ADAMTS1: variants seen among roughly 807,000 people sequenced by gnomAD.
ADAMTS1 encodes ADAM metallopeptidase with thrombospondin type 1 motif 1, also known as A disintegrin and metalloproteinase with thrombospondin motifs 1.
Under a neutral mutation model 87.9 loss-of-function variants are expected in ADAMTS1, and 19 were observed. The ratio of observed to expected loss-of-function variants is 0.22; its 90% CI spans 0.15 to 0.32. ADAMTS1 has a LOEUF of 0.32. ADAMTS1 is among the 10% of genes least tolerant of loss of function. The pLI is 1.00. For synonymous variants in ADAMTS1, 542 were observed against 501.8 expected, an observed-to-expected ratio of 1.08 and a Z score of -1.07; for missense variants, 1,240 against 1,259.1, an observed-to-expected ratio of 0.98 and a Z score of 0.23.
Position 26,839,638 on chromosome 21 carries a change from C to A in ADAMTS1, c.1977G>T (p.Lys659Asn). The A allele has an allele frequency of 6.2e-7, 1 of 1,612,804 alleles. No homozygotes were observed. Among genetic ancestry groups the A allele is most frequent in the East Asian group, 2.2e-5 (1 of 44,834 alleles). The change falls in exon 7 of 9, where the codon AAG becomes AAT. Residue 659 changes from lysine to asparagine, a missense_variant. Transcript: ENST00000284984. ...CAATGCCTTTGGCTTGGCAGATGAG[C>A]TTGCACCTGTCCTTTGGTGAGACGC... ...YAGVSPKDRC[K>N]LICQAKGIGY...
In ADAMTS1 at chr21:26,841,898, A is replaced by G; in HGVS notation, c.1170T>C (p.Asp390=). 1 of 1,614,112 alleles carries G rather than the reference A, an allele frequency of 6.2e-7. No homozygotes were observed. Among genetic ancestry groups the G allele is most frequent in the South Asian group, 1.1e-5 (1 of 91,036 alleles). ...DPSRSCSVIE[D]DGLQAAFTTA... ...TGGTGAAGGCAGCTTGTAAACCATC[A>G]TCTTCTATGACGGAGCAGCTTCTGC... Residue 390 remains aspartate, a synonymous_variant, in exon 3 of 9, where the codon GAT becomes GAC. Transcript: ENST00000284984.
intron 3 of ADAMTS1, chr21:26,841,398 G>T (rs1460791636): frequency 2.5e-6 from 1 of 404,914 alleles, no homozygotes; most frequent in Non-Finnish European, 4.4e-6. Flanking sequence ...AGAATCGCTT[G>T]AACCCAGGAG....
rs886148714 is a variant in ADAMTS1 at position 26,844,309 on chromosome 21, C to T, written c.646G>A (p.Glu216Lys). 6.2e-7 allele frequency: 1 copy of T among 1,609,366 alleles called. No individual in the cohort carries two copies. The highest frequency in any genetic ancestry group is 8.5e-7 in the Non-Finnish European group (1 of 1,178,832). The change falls in exon 1 of 9, where the codon GAG becomes AAG. Residue 216 changes from glutamate to lysine, a missense_variant. By Grantham distance (56) the Glu-to-Lys change is moderately conservative. Around this residue, in one of 3 missense-constraint regions of ADAMTS1, gnomAD observed 521 missense variants for 449.7 expected, o/e 1.16. Transcript: ENST00000284984. Reference protein sequence around the residue: ...RPTGKAETEDEDEGTEGEDEG... With the variant: ...RPTGKAETEDKDEGTEGEDEG... ...TCCTCGCCCTCAGTCCCTTCGTCCTCGTCTTCGGTCTCCGCTTTCCCAGTC... is the reference window on the plus strand; with the variant it reads ...TCCTCGCCCTCAGTCCCTTCGTCCTTGTCTTCGGTCTCCGCTTTCCCAGTC...
At chr21:26,842,037 C>T (rs765907684) in intron 2 of ADAMTS1, 47 bp from the exon 3 acceptor site, 9 of 1,583,840 alleles carry the variant, frequency 5.7e-6, no homozygotes, top group Non-Finnish European at 7.7e-6. Flanking sequence ...GAGCATGACC[C>T]TTGGGATCTA....
intron 3 of ADAMTS1, 101 bp downstream of exon 3, chr21:26,841,757 G>C (rs1985498659): frequency 2.3e-6 from 3 of 1,318,790 alleles, no homozygotes; most frequent in Non-Finnish European, 3.1e-6. Context: ...GATGCACTAG[G>C]ACCTAAAATA....
At chr21:26,843,852 C>G (rs1985549613) in intron 1 of ADAMTS1, 1 of 456,442 alleles carries the variant, frequency 2.2e-6, no homozygotes, top group East Asian at 6.4e-5. Context: ...GCAACCCGCA[C>G]AAAAGGCGCA....
intron 1 of ADAMTS1, chr21:26,843,789 C>G (rs751411973): frequency 2.1e-6 from 1 of 482,202 alleles, no homozygotes; most frequent in Non-Finnish European, 4.2e-6. Flanking sequence ...TCCGCCCTCC[C>G]GTGAGCGCAG....
chr21:26,838,763 T>C (rs1159848030), intron 7 of ADAMTS1, 149 bp from the exon 8 acceptor site: 22 of 737,596 alleles, frequency 3.0e-5, no homozygotes, highest in Admixed American at 6.0e-5. Flanking sequence ...CATTTACCCT[T>C]CACTTTGGCA....
Position 26,845,042 on chromosome 21 carries a change from T to C in ADAMTS1, c.-88A>G. On this transcript the variant is annotated 5_prime_UTR_variant, in exon 1 of 9. Coordinates refer to ENST00000284984, the MANE Select transcript of ADAMTS1 (RefSeq NM_006988.5). Reference sequence around the variant, plus strand: ...GGAGAGCAAAGCCTCGTTGGCCTGCTCTGGATTGTTAAAATTAACAATTTC... The same window carrying C: ...GGAGAGCAAAGCCTCGTTGGCCTGCCCTGGATTGTTAAAATTAACAATTTC... 1 of 1,380,958 alleles carries C rather than the reference T, an allele frequency of 7.2e-7. No individual in the cohort carries two copies. Among genetic ancestry groups the C allele is most frequent in the East Asian group, 2.6e-5 (1 of 38,622 alleles). 85.5% of individuals were successfully genotyped at this position (1,380,958 alleles called of 1,614,324 possible).
intron 7 of ADAMTS1, chr21:26,839,048 T>C (rs1291448219): frequency 1.2e-5 from 2 of 161,640 alleles, no homozygotes; most frequent in East Asian, 1.8e-4. Context: ...TTAAATTCCA[T>C]TTTCTGTCTC....
rs574673251 is a variant in ADAMTS1 at position 26,844,552 on chromosome 21, A to C, written c.403T>G (p.Ser135Ala). 98 of 1,609,398 alleles carry C rather than the reference A, an allele frequency of 6.1e-5. 1 individual carries two copies. In the South Asian group the frequency reaches 1.0e-3, roughly 17 times the overall value. Residue 135 changes from serine (S) to alanine (A), a missense_variant, in exon 1 of 9, where the codon TCG becomes GCG. Ser to Ala is a moderately conservative substitution (Grantham distance 99, BLOSUM62 1). This residue lies in a region of ADAMTS1 where 521 missense variants were observed against 449.7 expected (regional missense o/e 1.16). Transcript: ENST00000284984. ...YSGTVNGDPS[S>A]AAALSLCEGV... ...TCGCAGAGGCTGAGGGCGGCAGCCG[A>C]GCTGGGATCGCCATTCACGGTGCCG...
At position 26,842,344 on chromosome 21, in the gene ADAMTS1, T is replaced by G. The variant is rs1333665973; in HGVS notation, c.1072A>C (p.Arg358=). 1.2e-6 allele frequency: 2 copies of G among 1,613,680 alleles called. No homozygotes were observed. The highest frequency in any genetic ancestry group is 2.7e-5 in the African/African-American group (2 of 75,056). The change falls in exon 2 of 9, where the codon AGA becomes CGA. Residue 358 remains arginine, a synonymous_variant. Coordinates refer to ENST00000284984, the MANE Select transcript of ADAMTS1 (RefSeq NM_006988.5). Reference sequence around the variant, plus strand: ...TGGTACCATCTTCCTCTTACCTGTCTGGTGAAAAGAATTGCTGTGTCATAG... The same window carrying G: ...TGGTACCATCTTCCTCTTACCTGTCGGGTGAAAAGAATTGCTGTGTCATAG... ...EHYDTAILFT[R]QDLCGSQTCD... is the part of the protein sequence containing the mutation.
At chr21:26,843,358 C>T (rs1242830564) in intron 1 of ADAMTS1, 1 of 416,216 alleles carries the variant, frequency 2.4e-6, no homozygotes, top group East Asian at 7.0e-5. Flanking sequence ...TGCAGAAAGT[C>T]CTAAACTGGG....
Position 26,842,586 on chromosome 21 carries a change from C to G in ADAMTS1, c.830G>C (p.Gly277Ala). 1 of 1,614,152 alleles carries G rather than the reference C, an allele frequency of 6.2e-7. No homozygotes were observed. The highest frequency in any genetic ancestry group is 8.5e-7 in the Non-Finnish European group (1 of 1,180,032). Reference sequence around the variant, plus strand: ...CAACGTGAGAAGGTAATGCTTTAGACCACTGCCGTGGAATTCTGCCATCGA... The same window carrying G: ...CAACGTGAGAAGGTAATGCTTTAGAGCACTGCCGTGGAATTCTGCCATCGA... The part of the protein sequence containing the change: ...DQSMAEFHGS[G>A]LKHYLLTLFS... Residue 277 changes from glycine (G) to alanine (A), a missense_variant, in exon 2 of 9, where the codon GGT (glycine) becomes GCT (alanine). Gly to Ala is a moderately conservative substitution (Grantham distance 60). Around this residue, in one of 3 missense-constraint regions of ADAMTS1, gnomAD observed 521 missense variants for 449.7 expected, o/e 1.16. Transcript: ENST00000284984.
At position 26,844,873 on chromosome 21, in the gene ADAMTS1, G is replaced by C; in HGVS notation, c.82C>G (p.Arg28Gly). The part of the protein sequence containing the change: ...MGNAERAPGS[R>G]SFGPVPTLLL... ...AGCGTGGGTACTGGCCCAAAGCTCC[G>C]AGACCCCGGAGCCCGCTCCGCGTTC... The change falls in exon 1 of 9, where the codon CGG (arginine) becomes GGG (glycine). Residue 28 changes from arginine to glycine, a missense_variant. Transcript: ENST00000284984. The C allele has an allele frequency of 6.5e-7, 1 of 1,547,900 alleles. No homozygotes were observed. Among genetic ancestry groups the C allele is most frequent in the African/African-American group, 1.4e-5 (1 of 73,222 alleles).
intron 7 of ADAMTS1, 131 bp from the exon 8 acceptor site, chr21:26,838,745 A>G (rs1026943919): frequency 1.1e-5 from 9 of 812,360 alleles, no homozygotes; most frequent in South Asian, 6.3e-5. Context: ...CACATTATGC[A>G]TTTCATGCAT....
chr21:26,838,580 G>A lies in ADAMTS1; in HGVS notation c.2063C>T (p.Thr688Ile), dbSNP rs1985427163. ...ACACTGTCCTTGCACACAGACAGAG[G>A]TGGAATCTGGGCTACATGGAGTACC... ...VDGTPCSPDS[T>I]SVCVQGQCVK... The change falls in exon 8 of 9, where the codon ACC becomes ATC. Residue 688 changes from threonine to isoleucine, a missense_variant. Thr to Ile is a moderately conservative substitution (Grantham distance 89, BLOSUM62 -1). Transcript: ENST00000284984. The A allele has an allele frequency of 2.5e-6, 4 of 1,614,132 alleles. No homozygotes were observed. The East Asian group carries it at 8.9e-5, about 36-fold the overall frequency.
Position 26,845,134 on chromosome 21 carries a change from C to T in ADAMTS1, c.-180G>A. 2 of 789,736 alleles carry T rather than the reference C, an allele frequency of 2.5e-6. No individual in the cohort carries two copies. Among genetic ancestry groups the T allele is most frequent in the Non-Finnish European group, 3.5e-6 (2 of 579,296 alleles). The allele number at this position is 789,736 out of a possible 1,614,324, so 48.9% of individuals were successfully genotyped here. ...AGCTCCCGGAGTCACTAAAAGGAGGCGCTGCAGTTCTGCCGGCGCGCGGGA... is the reference window on the plus strand; with the variant it reads ...AGCTCCCGGAGTCACTAAAAGGAGGTGCTGCAGTTCTGCCGGCGCGCGGGA... On this transcript the variant is annotated 5_prime_UTR_variant, in exon 1 of 9. Transcript: ENST00000284984.
Position 26,845,141 on chromosome 21 carries a change from G to A in ADAMTS1, c.-187C>T. The A allele has an allele frequency of 1.3e-6, 1 of 758,854 alleles. No individual in the cohort carries two copies. The highest frequency in any genetic ancestry group is 1.8e-6 in the Non-Finnish European group (1 of 550,744). 47.0% of individuals were successfully genotyped at this position (758,854 alleles called of 1,614,324 possible). On this transcript the variant is annotated 5_prime_UTR_variant, in exon 1 of 9. Transcript: ENST00000284984. ...GGAGTCACTAAAAGGAGGCGCTGCA[G>A]TTCTGCCGGCGCGCGGGAAGTTTTT...
Sources: allele counts gnomAD v4.1 joint callset, GRCh38; gene constraint gnomAD v4.1.1; regional missense constraint gnomAD v4.1.1; transcripts MANE v1.5; gene names NCBI Gene and HGNC (gene_info 2026-07-23, HGNC 2026-07-21).